The following ATP5F1C variants were observed in gnomAD, a reference collection of about 807,000 sequenced individuals.
ATP5F1C encodes ATP synthase F(1) complex subunit gamma, mitochondrial.
In ATP5F1C, 22 loss-of-function variants were observed where a neutral mutation model predicts 37.4. The ratio of observed to expected loss-of-function variants is 0.59; its 90% CI spans 0.42 to 0.84. The LOEUF (loss-of-function observed/expected upper bound fraction) is 0.84, where lower values mean the gene tolerates loss of function less well. Among genes scored for constraint, ATP5F1C ranks in the 40% least tolerant of loss-of-function variants. The pLI is 0.00. For missense variants in ATP5F1C, 286 were observed against 362.4 expected (o/e 0.79, Z 1.71); for synonymous variants, 121 against 128.0 (o/e 0.95, Z 0.37).
At position 7,788,262 on chromosome 10, in the gene ATP5F1C, T is replaced by C; in HGVS notation, c.55T>C (p.Trp19Arg). ...GLSAWTLQPQ[W>R]IQVRNMATLK... is the part of the protein sequence containing the mutation. ...GTCGGCCTGGACCTTGCAGCCGCAA[T>C]GGTATGGCAGCTTGCGGGAAGATCG... is the stretch of plus-strand genomic sequence containing the variant. Residue 19 changes from tryptophan to arginine, a missense_variant and splice_region_variant, in exon 1 of 10, where the codon TGG becomes CGG. Coordinates refer to ENST00000356708, the MANE Select transcript of ATP5F1C (RefSeq NM_001001973.3). 1 of 1,613,258 alleles carries C rather than the reference T, an allele frequency of 6.2e-7. No homozygotes were observed. The highest frequency in any genetic ancestry group is 8.5e-7 in the Non-Finnish European group (1 of 1,179,828).
chr10:7,791,343 G>A (rs920248951), intron 1 of ATP5F1C, among the ~76,000 whole-genome samples: 1 of 152,130 alleles, frequency 6.6e-6, no homozygotes, highest in Non-Finnish European at 1.5e-5. Context: ...TGTGGGTTAG[G>A]TAAGTGTGAA....
At chr10:7,803,461 A>C (rs1836410534) in intron 8 of ATP5F1C, among the ~76,000 whole-genome samples, 1 of 152,126 alleles carries the variant, frequency 6.6e-6, no homozygotes, top group Admixed American at 6.5e-5. Context: ...TCTAGTTATA[A>C]TGCTATGTAA....
chr10:7,799,312 C>T, intron 4 of ATP5F1C, 118 bp downstream of exon 4: 1 of 917,428 alleles, frequency 1.1e-6, no homozygotes, highest in Non-Finnish European at 1.7e-6. Flanking sequence ...TCTTCAGGGC[C>T]TTTTTTGGTA....
chr10:7,805,128 G>C (rs534036519), intron 8 of ATP5F1C, among the ~76,000 whole-genome samples: 1 of 152,312 alleles, frequency 6.6e-6, no homozygotes, highest in African/African-American at 2.4e-5. Context: ...GTCTCATGGT[G>C]TCTAGCTTGA....
intron 1 of ATP5F1C, among the ~76,000 whole-genome samples, chr10:7,791,867 G>A (rs758910317): frequency 3.9e-5 from 6 of 152,300 alleles, no homozygotes; most frequent in African/African-American, 7.2e-5. Flanking sequence ...GGGCAAATGC[G>A]TAGCATTATC....
rs907769106 is a variant in ATP5F1C, at chr10:7,807,701, A to C, written c.*73A>C. ...AGCCAGTTGATTTTGTTTTTAGCTT[A>C]CTGCTGCCTTTGTCCGAAGAAACTG... On this transcript the variant is annotated 3_prime_UTR_variant, in exon 10 of 10. Coordinates refer to ENST00000356708, the MANE Select transcript of ATP5F1C (RefSeq NM_001001973.3). The C allele has an allele frequency of 6.2e-7, 1 of 1,602,142 alleles. No homozygotes were observed. The highest frequency in any genetic ancestry group is 2.2e-5 in the East Asian group (1 of 44,672).
intron 1 of ATP5F1C, 43 bp downstream of exon 1, chr10:7,788,306 G>C: frequency 1.9e-6 from 3 of 1,606,468 alleles, no homozygotes; most frequent in Non-Finnish European, 2.5e-6. Flanking sequence ...GCAAGGGATG[G>C]AAGAGCTTGG....
At chr10:7,795,916 A>G (rs1475415029) in intron 1 of ATP5F1C, among the ~76,000 whole-genome samples, 1 of 152,230 alleles carries the variant, frequency 6.6e-6, no homozygotes, top group Non-Finnish European at 1.5e-5. Flanking sequence ...CAGGCCAAAT[A>G]AAAGGAGGCC....
At chr10:7,798,847 C>T (rs963206504) in intron 3 of ATP5F1C, 143 bp from the exon 4 acceptor site, 4 of 756,472 alleles carry the variant, frequency 5.3e-6, no homozygotes, top group Non-Finnish European at 6.4e-6. Context: ...TACAGCTGTC[C>T]TAAGAACACC....
At chr10:7,807,265 A>T (rs1292203296) in intron 9 of ATP5F1C, among the ~76,000 whole-genome samples, 1 of 152,134 alleles carries the variant, frequency 6.6e-6, no homozygotes, top group East Asian at 1.9e-4. Flanking sequence ...TTGAGATATT[A>T]TATATAGGTT....
chr10:7,799,999 G>C (rs780453930), intron 5 of ATP5F1C, 28 bp from the exon 6 acceptor site: 1 of 1,608,632 alleles, frequency 6.2e-7, no homozygotes, highest in Admixed American at 1.7e-5. Flanking sequence ...ATTATTTTGA[G>C]ATTTACATTT....
chr10:7,804,173 C>T (rs776376140), intron 8 of ATP5F1C: 16 of 518,908 alleles, frequency 3.1e-5, no homozygotes, highest in South Asian at 1.1e-4. Context: ...AGAGTGATAG[C>T]GTGTGACCCA....
At position 7,802,499 on chromosome 10, in the gene ATP5F1C, G is replaced by A. The variant is rs890570034; in HGVS notation, c.793+74G>A. On this transcript the variant is annotated intron_variant, in intron 7 of 9. Transcript: ENST00000356708. ...AGTGAATCTCAGCTGAGAGGAGTCC[G>A]TGGCCGAGAGTAGCATCAACAACAT... 1.9e-5 allele frequency: 28 copies of A among 1,501,198 alleles called. No homozygotes were observed. The Middle Eastern group carries it at 7.1e-4, about 38-fold the overall frequency. 93.0% of individuals were successfully genotyped at this position (1,501,198 alleles called of 1,614,324 possible). A position where few individuals can be genotyped will look rare whatever the true frequency, so the allele number is the denominator to read the frequency against.
At chr10:7,801,587 T>C (rs913173039) in intron 6 of ATP5F1C, 4 of 152,248 alleles carry the variant, frequency 2.6e-5, no homozygotes, top group Admixed American at 2.6e-4. Context: ...ATCCCTTGTG[T>C]GAATGCTTAG....
At chr10:7,794,578 A>G (rs552450600) in intron 1 of ATP5F1C, among the ~76,000 whole-genome samples, 3 of 150,014 alleles carry the variant, frequency 2.0e-5, no homozygotes, top group Non-Finnish European at 3.0e-5. Context: ...TGGGTGTTAG[A>G]TTTTGTTGGA....
chr10:7,799,527 A>C, intron 4 of ATP5F1C: 1 of 569,588 alleles, frequency 1.8e-6, no homozygotes, highest in Non-Finnish European at 3.1e-6. Flanking sequence ...ATAGTTCATT[A>C]GGATTAGAAG....
At chr10:7,804,309 G>A (rs1836431620) in intron 8 of ATP5F1C, among the ~76,000 whole-genome samples, 1 of 152,180 alleles carries the variant, frequency 6.6e-6, no homozygotes, top group Non-Finnish European at 1.5e-5. Context: ...AACACTCGAT[G>A]TATGTGATCC....
intron 8 of ATP5F1C, among the ~76,000 whole-genome samples, chr10:7,803,056 TC>T (rs1836401572): frequency 6.6e-6 from 1 of 152,092 alleles, no homozygotes; most frequent in African/African-American, 2.4e-5. Context: ...CTGGAAACAC[TC>T]GGGCTTAGTT....
Position 7,798,946 on chromosome 10 carries a change from G to A in ATP5F1C, c.224-44G>A, listed in dbSNP as rs780898432. 23 of 1,518,106 alleles carry A rather than the reference G, an allele frequency of 1.5e-5. No individual in the cohort carries two copies. The East Asian group carries it at 5.0e-4, about 33-fold the overall frequency. The allele number at this position is 1,518,106 out of a possible 1,614,324, so 94.0% of individuals were successfully genotyped here. A position where few individuals can be genotyped will look rare whatever the true frequency, so the allele number is the denominator to read the frequency against. On this transcript the variant is annotated intron_variant, in intron 3 of 9. Coordinates refer to ENST00000356708, the MANE Select transcript of ATP5F1C (RefSeq NM_001001973.3). ...GTAAATTAGAGATTTATTGTATTTA[G>A]TGTATTGCATATAAAAAAATTACTG... is the stretch of plus-strand genomic sequence containing the variant.
Sources: allele counts gnomAD v4.1 joint callset (sites outside exome capture counted in the v4.1 genomes callset), GRCh38; gene constraint gnomAD v4.1.1; transcripts MANE v1.5; gene names NCBI Gene and HGNC (gene_info 2026-07-23, HGNC 2026-07-21).